Variants in SHROOM3 observed in about 807,000 individuals in gnomAD.
SHROOM3 encodes the protein shroom family member 3.
A neutral mutation model predicts 138.6 loss-of-function variants in SHROOM3; 47 were observed. The observed-to-expected ratio is 0.34, with a 90% CI of 0.27 to 0.43. The LOEUF (loss-of-function observed/expected upper bound fraction) is 0.43, where lower values mean the gene tolerates loss of function less well. Among genes scored for constraint, SHROOM3 ranks in the 20% least tolerant of loss-of-function variants. SHROOM3 has a pLI of 1.00. For missense variants in SHROOM3, 2,491 were observed against 2,596.5 expected, an observed-to-expected ratio of 0.96 and a Z score of 0.88; for synonymous variants, 1,062 against 1,063.3, an observed-to-expected ratio of 1.00 and a Z score of 0.02.
chr4:76,746,074 C>T (rs367846627), intron 5 of SHROOM3, among the ~76,000 whole-genome samples: 6 of 152,274 alleles, frequency 3.9e-5, no homozygotes, highest in Non-Finnish European at 5.9e-5. Context: ...AACCAAGTCA[C>T]CAAGAGGGTA....
chr4:76,727,627 C>T (rs543982854), intron 3 of SHROOM3, among the ~76,000 whole-genome samples: 4 of 152,276 alleles, frequency 2.6e-5, no homozygotes, highest in Admixed American at 2.0e-4. Context: ...CGGTGGCTCA[C>T]GCCTGTAATT....
chr4:76,718,710 G>A (rs1209562359), intron 3 of SHROOM3, among the ~76,000 whole-genome samples: 4 of 152,146 alleles, frequency 2.6e-5, no homozygotes, highest in Non-Finnish European at 5.9e-5. Flanking sequence ...TGGTGTTAGA[G>A]GTTTGGGAGG....
At chr4:76,459,682 G>C (rs1226921425) in intron 1 of SHROOM3, among the ~76,000 whole-genome samples, 1 of 152,030 alleles carries the variant, frequency 6.6e-6, no homozygotes, top group African/African-American at 2.4e-5. Context: ...ACAGAAAACT[G>C]TACATTTCTG....
chr4:76,511,219 A>G (rs917276925), intron 1 of SHROOM3, among the ~76,000 whole-genome samples: 1 of 152,158 alleles, frequency 6.6e-6, no homozygotes, highest in Non-Finnish European at 1.5e-5. Flanking sequence ...TGCCACAGCA[A>G]TTGTGAATTT....
chr4:76,603,325 G>A (rs1734544496), intron 2 of SHROOM3, among the ~76,000 whole-genome samples: 1 of 152,178 alleles, frequency 6.6e-6, no homozygotes, highest in Non-Finnish European at 1.5e-5. Flanking sequence ...GGCTGAGGCA[G>A]GAGAATCACT....
chr4:76,690,541 T>A (rs1034633460), intron 2 of SHROOM3, among the ~76,000 whole-genome samples: 5 of 152,248 alleles, frequency 3.3e-5, no homozygotes, highest in Non-Finnish European at 7.3e-5. Flanking sequence ...GAGAGAGTTC[T>A]GTGCATTTTC....
intron 2 of SHROOM3, among the ~76,000 whole-genome samples, chr4:76,624,163 C>T (rs1735069442): frequency 6.6e-6 from 1 of 152,144 alleles, no homozygotes; most frequent in African/African-American, 2.4e-5. Context: ...TTCACATGTG[C>T]TTTTTATTTC....
intron 2 of SHROOM3, chr4:76,639,640 C>T: frequency 2.5e-6 from 1 of 397,674 alleles, no homozygotes; most frequent in Non-Finnish European, 4.4e-6. Flanking sequence ...GACAACGAAA[C>T]ATGTAAGTGA....
intron 2 of SHROOM3, among the ~76,000 whole-genome samples, chr4:76,694,258 C>T (rs1719656624): frequency 6.6e-6 from 1 of 152,074 alleles, no homozygotes; most frequent in Admixed American, 6.6e-5. Flanking sequence ...AGACATTGTA[C>T]CCTCAAGGGT....
chr4:76,633,089 A>G (rs1267101169), intron 2 of SHROOM3, among the ~76,000 whole-genome samples: 1 of 152,106 alleles, frequency 6.6e-6, no homozygotes, highest in African/African-American at 2.4e-5. Flanking sequence ...GAAATCTTGC[A>G]GCCGAGCGCG....
chr4:76,776,393 G>T (rs908166250), intron 10 of SHROOM3, among the ~76,000 whole-genome samples: 1 of 152,120 alleles, frequency 6.6e-6, no homozygotes, highest in African/African-American at 2.4e-5. Flanking sequence ...CCACTCTGTG[G>T]GTTGTCTGTT....
At chr4:76,599,933 G>A (rs1220089325) in intron 2 of SHROOM3, among the ~76,000 whole-genome samples, 1 of 152,186 alleles carries the variant, frequency 6.6e-6, no homozygotes, top group African/African-American at 2.4e-5. Flanking sequence ...GGAGGCCAAG[G>A]TGGGAGGATT....
chr4:76,540,060 C>A (rs1159650534), intron 1 of SHROOM3, among the ~76,000 whole-genome samples: 4 of 152,218 alleles, frequency 2.6e-5, no homozygotes. Flanking sequence ...GTTGGCCTGG[C>A]TGGTCTTGAA....
At chr4:76,525,573 C>G (rs1732672121) in intron 1 of SHROOM3, among the ~76,000 whole-genome samples, 1 of 152,160 alleles carries the variant, frequency 6.6e-6, no homozygotes, top group Non-Finnish European at 1.5e-5. Flanking sequence ...GCTAGTGATG[C>G]TGAACATCAT....
chr4:76,593,030 C>T (rs1359056967), intron 2 of SHROOM3, among the ~76,000 whole-genome samples: 4 of 152,150 alleles, frequency 2.6e-5, no homozygotes, highest in African/African-American at 4.8e-5. Context: ...TAACTTATGT[C>T]GAGTGATGAC....
At chr4:76,630,855 C>A (rs1421983582) in intron 2 of SHROOM3, among the ~76,000 whole-genome samples, 1 of 152,166 alleles carries the variant, frequency 6.6e-6, no homozygotes, top group Non-Finnish European at 1.5e-5. Flanking sequence ...CAAGTGCCAG[C>A]ACTTTCTTAG....
In SHROOM3 at chr4:76,675,662, A is replaced by AGTT. The variant is rs1719009026; in HGVS notation, c.324-34493_324-34492insTTG. 2.6e-5 allele frequency among the ~76,000 whole-genome samples: 4 copies of AGTT among 152,316 alleles called. No homozygotes were observed. The South Asian group carries it at 6.2e-4, about 24-fold the overall frequency. On this transcript the variant is annotated intron_variant, in intron 2 of 10. Coordinates refer to ENST00000296043, the MANE Select transcript of SHROOM3 (RefSeq NM_020859.4). The stretch of plus-strand genomic sequence containing the variant: ...CACTTGAGGCCAGGAATTCAAGACC[A>AGTT]GCCTAGGCAACATAGAGGCCCCATT...
At chr4:76,620,697 G>T (rs1272871559) in intron 2 of SHROOM3, among the ~76,000 whole-genome samples, 4 of 152,138 alleles carry the variant, frequency 2.6e-5, no homozygotes, top group African/African-American at 9.7e-5. Flanking sequence ...GAACGGTGAG[G>T]CAGAGGCGGA....
At chr4:76,615,388 C>A (rs1320130463) in intron 2 of SHROOM3, among the ~76,000 whole-genome samples, 5 of 152,134 alleles carry the variant, frequency 3.3e-5, no homozygotes, top group African/African-American at 1.2e-4. Flanking sequence ...GAATTTCAGT[C>A]CTGATTTGAA....
Sources: allele counts gnomAD v4.1 joint callset (sites outside exome capture counted in the v4.1 genomes callset), GRCh38; gene constraint gnomAD v4.1.1; transcripts MANE v1.5; gene names NCBI Gene and HGNC (gene_info 2026-07-23, HGNC 2026-07-21).